GPR176: variants seen among roughly 807,000 people sequenced by gnomAD.
GPR176 encodes G-protein coupled receptor 176.
Under a neutral mutation model 35.4 loss-of-function variants are expected in GPR176, and 26 were observed. The observed-to-expected ratio is 0.74, with a 90% confidence interval of 0.54 to 1.02. GPR176 has a LOEUF of 1.02. Among genes scored for constraint, GPR176 ranks in the 50% least tolerant of loss-of-function variants. GPR176 has a pLI of 0.00. For missense variants in GPR176, 597 were observed against 665.3 expected (o/e 0.90, Z 1.13); for synonymous variants, 278 against 271.3 (o/e 1.02, Z -0.24).
chr15:39,895,033 G>C (rs987920134), intron 1 of GPR176, among the ~76,000 whole-genome samples: 5 of 152,214 alleles, frequency 3.3e-5, no homozygotes, highest in African/African-American at 1.2e-4. Context: ...GTTGGAGACC[G>C]GCCTGGCCAA....
chr15:39,883,038 A>G (rs1408308708), intron 1 of GPR176, among the ~76,000 whole-genome samples: 1 of 152,222 alleles, frequency 6.6e-6, no homozygotes, highest in Non-Finnish European at 1.5e-5. Context: ...CTTTGAGAAG[A>G]CTGAACAGCA....
intron 1 of GPR176, among the ~76,000 whole-genome samples, chr15:39,826,251 G>A (rs1026175131): frequency 7.2e-5 from 11 of 152,152 alleles, no homozygotes; most frequent in Admixed American, 5.9e-4. Flanking sequence ...TGGGCAAGCT[G>A]GAGCAGGGCA....
At chr15:39,889,855 A>C (rs28573294) in intron 1 of GPR176, among the ~76,000 whole-genome samples, 35,281 of 152,112 alleles carry the variant, frequency 0.23, 4,638 homozygotes, top group Non-Finnish European at 0.31. Context: ...GAAAACACAG[A>C]GAAAAGCTAG....
chr15:39,883,655 G>A (rs927025171), intron 1 of GPR176, among the ~76,000 whole-genome samples: 4 of 152,082 alleles, frequency 2.6e-5, no homozygotes, highest in African/African-American at 9.7e-5. Flanking sequence ...CTAAAAGTCT[G>A]AGAAACATCA....
chr15:39,884,845 A>G (rs1356445287), intron 1 of GPR176, among the ~76,000 whole-genome samples: 1 of 152,214 alleles, frequency 6.6e-6, no homozygotes, highest in African/African-American at 2.4e-5. Flanking sequence ...CCCACTCTGC[A>G]CAAGAGTCTG....
intron 2 of GPR176, among the ~76,000 whole-genome samples, chr15:39,805,534 G>A (rs375753047): frequency 6.8e-4 from 103 of 152,040 alleles, no homozygotes; most frequent in African/African-American, 2.4e-3. Context: ...ATTATTAGCT[G>A]CAACTGCTGA....
At chr15:39,917,843 G>A (rs906831608) in intron 1 of GPR176, among the ~76,000 whole-genome samples, 3 of 151,766 alleles carry the variant, frequency 2.0e-5, no homozygotes, top group Admixed American at 1.3e-4. Context: ...TCAAGAGTTC[G>A]AGACCAGCTT....
Position 39,800,949 on chromosome 15 carries a change from T to A in GPR176, c.*183A>T. On this transcript the variant is annotated 3_prime_UTR_variant, in exon 3 of 3. Coordinates refer to ENST00000561100, the MANE Select transcript of GPR176 (RefSeq NM_007223.3). The stretch of plus-strand genomic sequence containing the variant: ...CACTGAGATGGATACATATACTCCC[T>A]CAATAAAGAGGACACTGGATTTTAT... The A allele has an allele frequency of 1.7e-6, 1 of 592,514 alleles. No individual in the cohort carries two copies. The highest frequency in any genetic ancestry group is 3.0e-6 in the Non-Finnish European group (1 of 334,940). 36.7% of individuals were successfully genotyped at this position (592,514 alleles called of 1,614,324 possible). A position where few individuals can be genotyped will look rare whatever the true frequency, so the allele number is the denominator to read the frequency against.
rs967367918 is a variant in GPR176, at chr15:39,800,314, C to T, written c.*818G>A. ...CGCCATAGGCATCTCTCAGGCATCT[C>T]CCCCGTAAGCTTCTCTCTCATTTGT... On this transcript the variant is annotated 3_prime_UTR_variant, in exon 3 of 3. Transcript: ENST00000561100. 2.0e-5 allele frequency: 3 copies of T among 152,168 alleles called. No individual in the cohort carries two copies. The highest frequency in any genetic ancestry group is 4.4e-5 in the Non-Finnish European group (3 of 68,044). The allele number at this position is 152,168 out of a possible 1,614,324, so 9.4% of individuals were successfully genotyped here.
chr15:39,861,830 T>C (rs1316042672), intron 1 of GPR176, among the ~76,000 whole-genome samples: 3 of 152,200 alleles, frequency 2.0e-5, no homozygotes, highest in Non-Finnish European at 2.9e-5. Flanking sequence ...AAGAAAGCAG[T>C]AGCTGCACAG....
intron 1 of GPR176, among the ~76,000 whole-genome samples, chr15:39,861,085 T>C (rs166703): frequency 0.87 from 133,042 of 152,120 alleles, 58,808 homozygotes; most frequent in Middle Eastern, 0.95. Flanking sequence ...AATCTAGAGT[T>C]AACAAACTCT....
At chr15:39,865,621 T>C (rs1595492705) in intron 1 of GPR176, among the ~76,000 whole-genome samples, 1 of 152,254 alleles carries the variant, frequency 6.6e-6, no homozygotes, top group East Asian at 1.9e-4. Context: ...ATTTGGATTA[T>C]GGATACCCTA....
chr15:39,893,775 C>CAGA (rs1555409669), intron 1 of GPR176, among the ~76,000 whole-genome samples: 1 of 109,634 alleles, frequency 9.1e-6, no homozygotes, highest in African/African-American at 3.2e-5. Flanking sequence ...GCTGGCCAGG[C>CAGA]GGGGGCTGAC....
At chr15:39,808,854 C>G (rs1221278131) in intron 1 of GPR176, among the ~76,000 whole-genome samples, 3 of 152,194 alleles carry the variant, frequency 2.0e-5, no homozygotes, top group Non-Finnish European at 2.9e-5. Flanking sequence ...CCAAATCTCA[C>G]CATACGTCGG....
chr15:39,810,482 A>G (rs1435367217), intron 1 of GPR176, among the ~76,000 whole-genome samples: 1 of 152,218 alleles, frequency 6.6e-6, no homozygotes, highest in African/African-American at 2.4e-5. Context: ...GAGAGCAACA[A>G]TTCTGGCCTG....
chr15:39,900,361 A>G (rs2033241109), intron 1 of GPR176, among the ~76,000 whole-genome samples: 1 of 152,228 alleles, frequency 6.6e-6, no homozygotes, highest in Non-Finnish European at 1.5e-5. Flanking sequence ...TTAAACCTAC[A>G]TTCTTCATCC....
intron 1 of GPR176, among the ~76,000 whole-genome samples, chr15:39,847,630 C>G (rs1335121035): frequency 6.7e-6 from 1 of 150,284 alleles, no homozygotes; most frequent in African/African-American, 2.4e-5. Flanking sequence ...GTAATCCCAG[C>G]TACTTGGGAG....
intron 1 of GPR176, among the ~76,000 whole-genome samples, chr15:39,828,577 G>T (rs1189832814): frequency 1.3e-5 from 2 of 152,180 alleles, no homozygotes; most frequent in Non-Finnish European, 2.9e-5. Flanking sequence ...TGAGAGAGCA[G>T]CTTTACCAGC....
chr15:39,819,135 C>A (rs1050846620), intron 1 of GPR176, among the ~76,000 whole-genome samples: 3 of 152,222 alleles, frequency 2.0e-5, no homozygotes, highest in African/African-American at 7.2e-5. Context: ...CCTAACTCTA[C>A]CCATTGTTAA....
Sources: allele counts gnomAD v4.1 joint callset (sites outside exome capture counted in the v4.1 genomes callset), GRCh38; gene constraint gnomAD v4.1.1; transcripts MANE v1.5; gene names NCBI Gene and HGNC (gene_info 2026-07-23, HGNC 2026-07-21).